Variants in GTF2IRD1 observed in about 807,000 individuals in gnomAD.
GTF2IRD1 encodes the protein GTF2I repeat domain containing 1.
Under a neutral mutation model 113.2 loss-of-function variants are expected in GTF2IRD1, and 26 were observed. That is an observed-to-expected ratio of 0.23 (90% CI 0.17 to 0.32). The LOEUF (loss-of-function observed/expected upper bound fraction) is 0.32, where lower values mean the gene tolerates loss of function less well. Among genes scored for constraint, GTF2IRD1 ranks in the 10% least tolerant of loss-of-function variants. The pLI is 1.00. For missense variants in GTF2IRD1, 864 were observed against 1,280.8 expected (o/e 0.67, Z 4.97); for synonymous variants, 484 against 529.1 (o/e 0.91, Z 1.17).
At chr7:74,513,079 G>A in intron 3 of GTF2IRD1, 108 bp downstream of exon 3, 1 of 1,073,716 alleles carries the variant, frequency 9.3e-7, no homozygotes, top group Admixed American at 2.1e-5. Flanking sequence ...GCGGTGTGTG[G>A]GGAGTGAACC....
At position 74,471,495 on chromosome 7, in the gene GTF2IRD1, C is replaced by T. The variant is rs564013616; in HGVS notation, c.-7+17319C>T. Reference sequence around the variant, plus strand: ...CTGCACTCTAGCCTGGGTGACAGAGCGAGACCCCATCTCTACAAAAAGATT... The same window carrying T: ...CTGCACTCTAGCCTGGGTGACAGAGTGAGACCCCATCTCTACAAAAAGATT... On this transcript the variant is annotated intron_variant, in intron 1 of 26. Coordinates refer to ENST00000424337, the MANE Select transcript of GTF2IRD1 (RefSeq NM_005685.4). Among the ~76,000 whole-genome samples the T allele has an allele frequency of 2.2e-4, 34 of 151,820 alleles. No homozygotes were observed. The South Asian group carries it at 6.0e-3, about 27-fold the overall frequency.
At chr7:74,557,834 C>A in intron 20 of GTF2IRD1, 112 bp downstream of exon 20, 1 of 665,642 alleles carries the variant, frequency 1.5e-6, no homozygotes. Flanking sequence ...CACCCCTTTA[C>A]ATGTATTTCT....
At chr7:74,548,966 C>T (rs1399379865) in intron 17 of GTF2IRD1, among the ~76,000 whole-genome samples, 1 of 151,880 alleles carries the variant, frequency 6.6e-6, no homozygotes, top group East Asian at 1.9e-4. Context: ...TTTGTTACTT[C>T]TGTGTTACTG....
chr7:74,576,617 CTTTTTTTTTTT>C lies in GTF2IRD1; in HGVS notation c.2321-13212_2321-13202del, dbSNP rs1165378230. On this transcript the variant is annotated intron_variant, in intron 22 of 26. Transcript: ENST00000424337. ...TCTAGGGGAAAATCTATTTCCTTGT[CTTTTTTTTTTT>C]TTTTTTTTTTTTTTTTTTTTTGAGA... 1.1e-3 allele frequency among the ~76,000 whole-genome samples: 53 copies of C among 49,368 alleles called. 1 individual carries two copies. The highest frequency in any genetic ancestry group is 1.4e-3 in the Non-Finnish European group (41 of 28,930). The allele number at this position is 49,368 out of a possible 152,430, so 32.4% of individuals were successfully genotyped here.
At chr7:74,494,536 G>A (rs1795548518) in intron 1 of GTF2IRD1, among the ~76,000 whole-genome samples, 1 of 152,328 alleles carries the variant, frequency 6.6e-6, no homozygotes, top group East Asian at 1.9e-4. Flanking sequence ...CACACATTCT[G>A]TTGGTTCAAA....
intron 1 of GTF2IRD1, among the ~76,000 whole-genome samples, chr7:74,456,688 A>G (rs1554327391): frequency 1.3e-5 from 2 of 151,966 alleles, no homozygotes; most frequent in Non-Finnish European, 2.9e-5. Flanking sequence ...ATCTAAAAAA[A>G]AAAAAAGAAA....
At chr7:74,501,483 A>G (rs543403547) in intron 1 of GTF2IRD1, among the ~76,000 whole-genome samples, 2 of 152,024 alleles carry the variant, frequency 1.3e-5, no homozygotes, top group Admixed American at 6.6e-5. Context: ...CTTGAGCTCT[A>G]CTGAGCCCAT....
Position 74,602,420 on chromosome 7 carries a change from C to G in GTF2IRD1, c.2822C>G (p.Pro941Arg). Residue 941 changes from proline to arginine, a missense_variant, in exon 27 of 27, where the codon CCT (proline) becomes CGT (arginine). This residue lies in a region of GTF2IRD1 where 18 missense variants were observed against 35.7 expected (regional missense o/e 0.50). Transcript: ENST00000424337. ...GGCCTGAACGTGCAGCTCCCGGGAC[C>G]TCTTAATTACTAGACCTCAGTACTG... ...YAGLNVQLPG[P>R]LNY 1 of 1,613,358 alleles carries G rather than the reference C, an allele frequency of 6.2e-7. No individual in the cohort carries two copies. Among genetic ancestry groups the G allele is most frequent in the Non-Finnish European group, 8.5e-7 (1 of 1,179,500 alleles).
chr7:74,512,107 T>C lies in GTF2IRD1; in HGVS notation c.124-723T>C, dbSNP rs1363683937. Among the ~76,000 whole-genome samples, 1 of 152,094 alleles carries C rather than the reference T, an allele frequency of 6.6e-6. No homozygotes were observed. Among genetic ancestry groups the C allele is most frequent in the Non-Finnish European group, 1.5e-5 (1 of 68,006 alleles). On this transcript the variant is annotated intron_variant, in intron 2 of 26. Transcript: ENST00000424337. This position sits in a 1 kb window ranked among gnomAD's most constrained non-coding sequence, Gnocchi z 4.4. ...TGGCTCACGCCTGTAATCCCAGCAC[T>C]TTGGGAGGCTGAGACGGGCAGATCA...
chr7:74,520,839 A>ATACTATTATTATTATTATTAT (rs1562830280), intron 6 of GTF2IRD1, among the ~76,000 whole-genome samples: 2 of 95,880 alleles, frequency 2.1e-5, no homozygotes, highest in Admixed American at 1.2e-4. Flanking sequence ...TAAGTTATAT[A>ATACTATTATTATTATTATTAT]TACTATTATT....
At chr7:74,588,678 C>T (rs1381583524) in intron 22 of GTF2IRD1, among the ~76,000 whole-genome samples, 2 of 152,002 alleles carry the variant, frequency 1.3e-5, no homozygotes, top group Non-Finnish European at 2.9e-5. Flanking sequence ...CTACAGGTGC[C>T]CGCCACATGC....
At chr7:74,477,223 A>G (rs1794466628) in intron 1 of GTF2IRD1, among the ~76,000 whole-genome samples, 1 of 151,964 alleles carries the variant, frequency 6.6e-6, no homozygotes, top group Non-Finnish European at 1.5e-5. Context: ...AATTAGCCAC[A>G]CATGCCAGTG....
chr7:74,510,134 C>T (rs1209798764), intron 2 of GTF2IRD1, among the ~76,000 whole-genome samples: 1 of 152,052 alleles, frequency 6.6e-6, no homozygotes, highest in Non-Finnish European at 1.5e-5. Flanking sequence ...CTGGGTGCCA[C>T]ACTCTCTCCA....
chr7:74,574,634 A>AT (rs797025852), intron 22 of GTF2IRD1, among the ~76,000 whole-genome samples: 41 of 149,380 alleles, frequency 2.7e-4, no homozygotes, highest in Middle Eastern at 3.5e-3. Context: ...TAATTTTTGT[A>AT]TTTTTTTGTA....
intron 6 of GTF2IRD1, 68 bp from the exon 7 acceptor site, chr7:74,521,140 C>T: frequency 1.1e-6 from 1 of 878,934 alleles, no homozygotes; most frequent in South Asian, 1.3e-5. Flanking sequence ...GGCCTGTGCA[C>T]TGGGGCCAGA....
At chr7:74,525,636 A>G (rs781871859) in intron 8 of GTF2IRD1, among the ~76,000 whole-genome samples, 7 of 152,094 alleles carry the variant, frequency 4.6e-5, no homozygotes, top group Non-Finnish European at 8.8e-5. Context: ...TGCACCTGTA[A>G]TCTTAGCTAC....
At chr7:74,508,471 C>A (rs1362475885) in intron 2 of GTF2IRD1, among the ~76,000 whole-genome samples, 2 of 152,114 alleles carry the variant, frequency 1.3e-5, no homozygotes, top group African/African-American at 4.8e-5. Context: ...GTCGGTGGAT[C>A]ACTAGGTCAG....
In GTF2IRD1 at chr7:74,543,872, C is replaced by CAAAAAAA. The variant is rs782039486; in HGVS notation, c.1619-865_1619-859dup. ...GGAGCATAGCAAGACCCCATCTCTA[C>CAAAAAAA]AAAAAAAAAAAAAAAAAAAAAAAAC... On this transcript the variant is annotated intron_variant, in intron 14 of 26. Coordinates refer to ENST00000424337, the MANE Select transcript of GTF2IRD1 (RefSeq NM_005685.4). Among the ~76,000 whole-genome samples the CAAAAAAA allele has an allele frequency of 1.7e-4, 6 of 34,562 alleles. 1 individual carries two copies. Among genetic ancestry groups the CAAAAAAA allele is most frequent in the Non-Finnish European group, 3.1e-4 (5 of 16,004 alleles). The allele number at this position is 34,562 out of a possible 152,430, so 22.7% of individuals were successfully genotyped here. A position where few individuals can be genotyped will look rare whatever the true frequency, so the allele number is the denominator to read the frequency against.
chr7:74,546,317 G>A (rs368088475), intron 16 of GTF2IRD1, among the ~76,000 whole-genome samples: 1 of 151,032 alleles, frequency 6.6e-6, no homozygotes, highest in East Asian at 1.9e-4. Flanking sequence ...CGCTTCCTGG[G>A]TTCAAGAAAT....
Sources: allele counts gnomAD v4.1 joint callset (sites outside exome capture counted in the v4.1 genomes callset), GRCh38; gene constraint gnomAD v4.1.1; regional missense constraint gnomAD v4.1.1; non-coding constraint Gnocchi (gnomAD v3.1); transcripts MANE v1.5; gene names NCBI Gene and HGNC (gene_info 2026-07-23, HGNC 2026-07-21).